The following NXPH1 variants were observed in gnomAD, a reference collection of about 807,000 sequenced individuals.
The protein encoded by NXPH1 is neurexophilin-1.
Under a neutral mutation model 23.7 loss-of-function variants are expected in NXPH1, and 5 were observed. The ratio of observed to expected loss-of-function variants is 0.21; its 90% CI spans 0.11 to 0.44. NXPH1 has a LOEUF of 0.44. NXPH1 is among the 20% of genes least tolerant of loss of function. NXPH1 has a pLI of 0.99. For missense variants in NXPH1, 324 were observed against 321.6 expected (o/e 1.01, Z -0.06); for synonymous variants, 144 against 122.2 (o/e 1.18, Z -1.18).
chr7:8,626,834 T>C (rs550952847), intron 2 of NXPH1, among the ~76,000 whole-genome samples: 21 of 152,216 alleles, frequency 1.4e-4, no homozygotes, highest in African/African-American at 5.1e-4. Context: ...GCTTCTCTTA[T>C]TCTTGGGACA....
At chr7:8,676,797 G>A (rs916111093) in intron 2 of NXPH1, among the ~76,000 whole-genome samples, 2 of 152,200 alleles carry the variant, frequency 1.3e-5, no homozygotes, top group Middle Eastern at 3.4e-3. Flanking sequence ...ATACTGTTTG[G>A]GACCTATAGT....
At chr7:8,644,918 G>T (rs766449287) in intron 2 of NXPH1, among the ~76,000 whole-genome samples, 17 of 151,970 alleles carry the variant, frequency 1.1e-4, no homozygotes, top group Non-Finnish European at 7.4e-5. Context: ...TGCATATTTT[G>T]TACTTTATAT....
At chr7:8,598,628 T>C (rs1037203223) in intron 2 of NXPH1, among the ~76,000 whole-genome samples, 12 of 152,176 alleles carry the variant, frequency 7.9e-5, no homozygotes, top group African/African-American at 2.9e-4. Flanking sequence ...ACCTTTTTTA[T>C]TGAGTGAACC....
At chr7:8,444,560 C>A (rs1313210781) in intron 2 of NXPH1, among the ~76,000 whole-genome samples, 2 of 152,220 alleles carry the variant, frequency 1.3e-5, no homozygotes, top group Non-Finnish European at 2.9e-5. Flanking sequence ...TCAGAAGTTG[C>A]CTGATGCCCC....
At chr7:8,727,327 A>G (rs1435747944) in intron 2 of NXPH1, among the ~76,000 whole-genome samples, 1 of 136,528 alleles carries the variant, frequency 7.3e-6, no homozygotes, top group Non-Finnish European at 1.5e-5. Flanking sequence ...GCTGTACAGA[A>G]GCTCTTTAGT....
chr7:8,436,006 C>T (rs951283093), intron 2 of NXPH1, among the ~76,000 whole-genome samples: 4 of 152,190 alleles, frequency 2.6e-5, no homozygotes, highest in Non-Finnish European at 4.4e-5. Context: ...GGGGCTAGGG[C>T]GCCCCAGACA....
rs548534140 is a variant in NXPH1 at position 8,594,161 on chromosome 7, G to A, written c.55-156847G>A. On this transcript the variant is annotated intron_variant, in intron 2 of 2. Transcript: ENST00000405863. ...TAGACCACCACACTCCACCCCCCAC[G>A]TTTACTTGAATGGTAAATGTTAAGA... 3.9e-5 allele frequency among the ~76,000 whole-genome samples: 6 copies of A among 152,072 alleles called. No homozygotes were observed. In the East Asian group the frequency reaches 9.7e-4, roughly 24 times the overall value.
At chr7:8,588,247 G>A (rs1288136471) in intron 2 of NXPH1, among the ~76,000 whole-genome samples, 2 of 152,050 alleles carry the variant, frequency 1.3e-5, no homozygotes, top group African/African-American at 4.8e-5. Context: ...CCCATTACTG[G>A]GTATATACCC....
chr7:8,572,343 T>C (rs1234639148), intron 2 of NXPH1, among the ~76,000 whole-genome samples: 1 of 151,988 alleles, frequency 6.6e-6, no homozygotes, highest in African/African-American at 2.4e-5. Context: ...AAGCAGTGAT[T>C]AATACAAACA....
intron 2 of NXPH1, among the ~76,000 whole-genome samples, chr7:8,697,798 T>A (rs926526222): frequency 6.6e-6 from 1 of 152,096 alleles, no homozygotes; most frequent in African/African-American, 2.4e-5. Flanking sequence ...AAACTGTAAG[T>A]ACAGAGGCTA....
intron 2 of NXPH1, among the ~76,000 whole-genome samples, chr7:8,733,033 C>G (rs369906567): frequency 1.1e-3 from 169 of 152,112 alleles, no homozygotes; most frequent in Middle Eastern, 6.8e-3. Flanking sequence ...CCCTAGCCCC[C>G]TACTACCTGA....
In NXPH1 at chr7:8,582,081, C is replaced by CT. The variant is rs562261115; in HGVS notation, c.54+146314_54+146315insT. On this transcript the variant is annotated intron_variant, in intron 2 of 2. Coordinates refer to ENST00000405863, the MANE Select transcript of NXPH1 (RefSeq NM_152745.3). ...CAGGGTGGGCAGCTCCGGGCACCAG[C>CT]ACAGGTGCTGGCTCTGTGACAGGCT... Among the ~76,000 whole-genome samples, 323 of 152,302 alleles carry CT rather than the reference C, an allele frequency of 2.1e-3. 5 individuals carry two copies. Among genetic ancestry groups the CT allele is most frequent in the African/African-American group, 7.4e-3 (306 of 41,560 alleles).
chr7:8,705,721 A>G (rs1381611454), intron 2 of NXPH1, among the ~76,000 whole-genome samples: 1 of 152,128 alleles, frequency 6.6e-6, no homozygotes, highest in Admixed American at 6.6e-5. Context: ...TTTTGTCTCT[A>G]TGACTATTGC....
intron 2 of NXPH1, among the ~76,000 whole-genome samples, chr7:8,745,954 A>T (rs1230339462): frequency 6.6e-6 from 1 of 152,014 alleles, no homozygotes; most frequent in Admixed American, 6.5e-5. Flanking sequence ...TCTAAGGATC[A>T]TCTCTTCTGT....
intron 2 of NXPH1, among the ~76,000 whole-genome samples, chr7:8,572,662 ACT>A (rs1818670866): frequency 6.6e-6 from 1 of 151,876 alleles, no homozygotes; most frequent in East Asian, 1.9e-4. Flanking sequence ...GAAAAATCAA[ACT>A]CTATTGCAGG....
In NXPH1 at chr7:8,747,027, G is replaced by A. The variant is rs1329921479; in HGVS notation, c.55-3981G>A. On this transcript the variant is annotated intron_variant, in intron 2 of 2. Coordinates refer to ENST00000405863, the MANE Select transcript of NXPH1 (RefSeq NM_152745.3). ...AATATCTGGTGATGACAACAGCTAA[G>A]ACGACTATTGAACAGTGTTCCAGGT... Among the ~76,000 whole-genome samples the A allele has an allele frequency of 2.0e-5, 3 of 152,128 alleles. No individual in the cohort carries two copies. In the East Asian group the frequency reaches 5.8e-4, roughly 29 times the overall value.
At position 8,752,874 on chromosome 7, in the gene NXPH1, A is replaced by T. The variant is rs1459213139; in HGVS notation, c.*1105A>T. 1 of 152,606 alleles carries T rather than the reference A, an allele frequency of 6.6e-6. No homozygotes were observed. Among genetic ancestry groups the T allele is most frequent in the African/African-American group, 2.4e-5 (1 of 41,462 alleles). The allele number at this position is 152,606 out of a possible 1,614,324, so 9.5% of individuals were successfully genotyped here. ...GTATTGTTGAAAGCTATACATATACAACATTACAGTCTGTCTGTATTTAGA... is the reference window on the plus strand; with the variant it reads ...GTATTGTTGAAAGCTATACATATACTACATTACAGTCTGTCTGTATTTAGA... On this transcript the variant is annotated 3_prime_UTR_variant, in exon 3 of 3. Transcript: ENST00000405863.
At chr7:8,495,898 G>C (rs1817326268) in intron 2 of NXPH1, among the ~76,000 whole-genome samples, 2 of 152,158 alleles carry the variant, frequency 1.3e-5, no homozygotes, top group East Asian at 1.9e-4. Context: ...GGCAGGCAAA[G>C]CATGTATTGT....
At chr7:8,486,974 T>G (rs1325350621) in intron 2 of NXPH1, among the ~76,000 whole-genome samples, 1 of 152,178 alleles carries the variant, frequency 6.6e-6, no homozygotes, top group Non-Finnish European at 1.5e-5. Context: ...ATTATTAGTT[T>G]AATCTCTATT....
Sources: allele counts gnomAD v4.1 joint callset (sites outside exome capture counted in the v4.1 genomes callset), GRCh38; gene constraint gnomAD v4.1.1; transcripts MANE v1.5; gene names NCBI Gene and HGNC (gene_info 2026-07-23, HGNC 2026-07-21).